Variants in ADAMTS6 observed in about 807,000 individuals in gnomAD.
ADAMTS6 encodes the protein A disintegrin and metalloproteinase with thrombospondin motifs 6.
ADAMTS6 carries 23 observed loss-of-function variants against 144.3 expected under a neutral mutation model. The ratio of observed to expected loss-of-function variants is 0.16; its 90% CI spans 0.11 to 0.23. ADAMTS6 has a LOEUF of 0.23. Among genes scored for constraint, ADAMTS6 ranks in the 10% least tolerant of loss-of-function variants. ADAMTS6 has a pLI of 1.00. For missense variants in ADAMTS6, 999 were observed against 1,379.6 expected (o/e 0.72, Z 4.37); for synonymous variants, 444 against 457.5 (o/e 0.97, Z 0.38).
At chr5:65,462,228 G>A (rs762605071) in intron 3 of ADAMTS6, among the ~76,000 whole-genome samples, 5 of 152,156 alleles carry the variant, frequency 3.3e-5, no homozygotes, top group Non-Finnish European at 7.3e-5. Context: ...AGAATAAGGG[G>A]GAAAGTATAA....
intron 22 of ADAMTS6, among the ~76,000 whole-genome samples, chr5:65,184,617 C>T (rs1423203976): frequency 2.0e-5 from 3 of 152,124 alleles, no homozygotes; most frequent in Non-Finnish European, 4.4e-5. Context: ...GGCTGCTGGA[C>T]CCCATCCACA....
At chr5:65,176,708 C>T (rs1194797390) in intron 22 of ADAMTS6, among the ~76,000 whole-genome samples, 1 of 152,108 alleles carries the variant, frequency 6.6e-6, no homozygotes, top group African/African-American at 2.4e-5. Flanking sequence ...GAATAAATGT[C>T]TACAAAGTTT....
intron 3 of ADAMTS6, among the ~76,000 whole-genome samples, chr5:65,467,305 T>C (rs1281743731): frequency 1.3e-5 from 2 of 151,934 alleles, no homozygotes; most frequent in Admixed American, 1.3e-4. Context: ...ATTTTTTTAA[T>C]TTCTCTAAGC....
chr5:65,481,519 T>C lies in ADAMTS6; in HGVS notation c.-456A>G, dbSNP rs901611009. ...ATTCTGCAGCCAGAATAAAACCCTA[T>C]GGTCTGGCTAACCCGGGCTTTAGAG... On this transcript the variant is annotated 5_prime_UTR_variant, in exon 1 of 25. Coordinates refer to ENST00000381055, the MANE Select transcript of ADAMTS6 (RefSeq NM_197941.4). The C allele has an allele frequency of 6.6e-6, 1 of 151,774 alleles. No individual in the cohort carries two copies. The highest frequency in any genetic ancestry group is 6.6e-5 in the Admixed American group (1 of 15,242). The allele number at this position is 151,774 out of a possible 1,614,324, so 9.4% of individuals were successfully genotyped here.
intron 18 of ADAMTS6, among the ~76,000 whole-genome samples, chr5:65,224,035 T>C (rs62369575): frequency 0.21 from 31,953 of 151,886 alleles, 4,518 homozygotes; most frequent in African/African-American, 0.4. Context: ...CTCCTGACCT[T>C]GTGATCCACC....
chr5:65,174,635 G>A (rs894720537), intron 22 of ADAMTS6, among the ~76,000 whole-genome samples: 2 of 152,268 alleles, frequency 1.3e-5, no homozygotes, highest in South Asian at 2.1e-4. Context: ...CGGTCTGCCT[G>A]TACCGGCACT....
chr5:65,291,792 T>C (rs1258497047), intron 10 of ADAMTS6, among the ~76,000 whole-genome samples: 2 of 152,102 alleles, frequency 1.3e-5, no homozygotes, highest in Non-Finnish European at 2.9e-5. Context: ...TTTGTTTTTA[T>C]TGAAAATATA....
chr5:65,453,735 CT>C (rs1273421791), intron 4 of ADAMTS6, among the ~76,000 whole-genome samples: 3 of 152,170 alleles, frequency 2.0e-5, no homozygotes, highest in Admixed American at 6.5e-5. Context: ...TGTAGAGGTT[CT>C]CTGTATATCT....
chr5:65,410,291 T>C (rs1380778232), intron 7 of ADAMTS6, among the ~76,000 whole-genome samples: 2 of 152,170 alleles, frequency 1.3e-5, no homozygotes, highest in African/African-American at 4.8e-5. Context: ...TAGATAGAAA[T>C]TCAATCATGT....
At chr5:65,368,130 G>T (rs548624097) in intron 7 of ADAMTS6, among the ~76,000 whole-genome samples, 1 of 152,098 alleles carries the variant, frequency 6.6e-6, no homozygotes, top group Non-Finnish European at 1.5e-5. Context: ...TTTAAGAATT[G>T]GTCCTAGTGT....
In ADAMTS6 at chr5:65,215,056, A is replaced by T. The variant is rs1048895515; in HGVS notation, c.2437-124T>A. The T allele has an allele frequency of 4.1e-6, 5 of 1,229,426 alleles. No homozygotes were observed. The African/African-American group carries it at 4.6e-5, about 11-fold the overall frequency. The allele number at this position is 1,229,426 out of a possible 1,614,324, so 76.2% of individuals were successfully genotyped here. A position where few individuals can be genotyped will look rare whatever the true frequency, so the allele number is the denominator to read the frequency against. On this transcript the variant is annotated intron_variant, in intron 19 of 24. Transcript: ENST00000381055. ...TTACAGGAAACTTAATATAAAACAC[A>T]TGCATTTATATCAAATTTTCTCCTC...
chr5:65,233,657 G>A (rs185502638), intron 15 of ADAMTS6, among the ~76,000 whole-genome samples: 26 of 152,142 alleles, frequency 1.7e-4, no homozygotes, highest in East Asian at 1.9e-4. Context: ...AAGATGTCAC[G>A]TGTTCATGGA....
At chr5:65,340,305 A>G (rs540705531) in intron 7 of ADAMTS6, among the ~76,000 whole-genome samples, 2 of 152,278 alleles carry the variant, frequency 1.3e-5, no homozygotes, top group African/African-American at 4.8e-5. Context: ...AAAAAAATAT[A>G]TTATTTCACA....
chr5:65,376,184 C>T (rs182676027), intron 7 of ADAMTS6, among the ~76,000 whole-genome samples: 2,462 of 152,078 alleles, frequency 0.016, 35 homozygotes, highest in East Asian at 0.082. Flanking sequence ...GTGGGTGCAG[C>T]GCACCAGCAT....
At chr5:65,210,556 C>T (rs1438662171) in intron 20 of ADAMTS6, 3 of 500,826 alleles carry the variant, frequency 6.0e-6, no homozygotes, top group African/African-American at 3.9e-5. Flanking sequence ...TATCTGCTAT[C>T]TGGATGCAGG....
intron 22 of ADAMTS6, among the ~76,000 whole-genome samples, chr5:65,187,658 C>T (rs1348533327): frequency 6.6e-6 from 1 of 152,106 alleles, no homozygotes; most frequent in Non-Finnish European, 1.5e-5. Context: ...AAGAAAGGTT[C>T]TTGACTCTCC....
chr5:65,197,926 A>G (rs1755490577), intron 20 of ADAMTS6, among the ~76,000 whole-genome samples: 1 of 152,196 alleles, frequency 6.6e-6, no homozygotes, highest in African/African-American at 2.4e-5. Context: ...TTATTGGCAA[A>G]GATATTCACC....
At chr5:65,329,325 T>G in intron 9 of ADAMTS6, 53 bp downstream of exon 9, 2 of 1,529,270 alleles carry the variant, frequency 1.3e-6, no homozygotes, top group Non-Finnish European at 1.8e-6. Flanking sequence ...TAGTTACAAG[T>G]TGCTCAAGAG....
intron 9 of ADAMTS6, among the ~76,000 whole-genome samples, chr5:65,315,404 C>T (rs919483008): frequency 2.0e-5 from 3 of 151,810 alleles, no homozygotes; most frequent in Middle Eastern, 6.3e-3. Flanking sequence ...ATAAAATGCT[C>T]AGTTAAAACA....
Sources: gnomAD v4.1 joint callset for allele counts (sites outside exome capture counted in the v4.1 genomes callset) on GRCh38, gnomAD v4.1.1 for gene constraint, MANE v1.5 for transcripts, NCBI Gene and HGNC (gene_info 2026-07-23, HGNC 2026-07-21) for gene names.